LIN28B: variants seen among roughly 807,000 people sequenced by gnomAD.
LIN28B encodes the protein protein lin-28 homolog B.
LIN28B carries 5 observed loss-of-function variants against 21.9 expected under a neutral mutation model. The observed-to-expected ratio is 0.23, with a 90% CI of 0.12 to 0.48. LIN28B has a LOEUF of 0.48. LIN28B is among the 20% of genes least tolerant of loss of function. The probability of loss-of-function intolerance (pLI) is 0.98; values close to 1 mark genes in which losing one functional copy is unlikely to be tolerated. For synonymous variants in LIN28B, 109 were observed against 111.3 expected (o/e 0.98, Z 0.13); for missense variants, 245 against 310.5 (o/e 0.79, Z 1.58).
intron 2 of LIN28B, among the ~76,000 whole-genome samples, chr6:104,981,801 T>C (rs1651402848): frequency 6.6e-6 from 1 of 152,214 alleles, no homozygotes; most frequent in Non-Finnish European, 1.5e-5. Flanking sequence ...TATAGGTACA[T>C]TTCTTTAAAT....
At chr6:104,997,552 C>G (rs1012781014) in intron 2 of LIN28B, among the ~76,000 whole-genome samples, 4 of 151,676 alleles carry the variant, frequency 2.6e-5, no homozygotes, top group East Asian at 3.9e-4. Flanking sequence ...CGCCCCCCCC[C>G]GCCACACACA....
At chr6:104,962,769 T>G (rs566351141) in intron 2 of LIN28B, among the ~76,000 whole-genome samples, 1 of 152,300 alleles carries the variant, frequency 6.6e-6, no homozygotes, top group East Asian at 1.9e-4. Flanking sequence ...TTTGTTATAG[T>G]TAAGCATAAA....
At chr6:104,997,402 G>A (rs957400876) in intron 2 of LIN28B, among the ~76,000 whole-genome samples, 9 of 151,134 alleles carry the variant, frequency 6.0e-5, no homozygotes, top group South Asian at 2.1e-4. Context: ...ATAGTATTTC[G>A]TATATATAGA....
At chr6:105,037,827 A>C (rs1771556318) in intron 3 of LIN28B, among the ~76,000 whole-genome samples, 1 of 152,008 alleles carries the variant, frequency 6.6e-6, no homozygotes, top group South Asian at 2.1e-4. Flanking sequence ...TACAACTTGA[A>C]CTGTTCTCAT....
intron 2 of LIN28B, among the ~76,000 whole-genome samples, chr6:104,938,797 C>T (rs949358545): frequency 2.0e-5 from 3 of 152,050 alleles, no homozygotes; most frequent in Non-Finnish European, 2.9e-5. Flanking sequence ...CTTTCGGGTA[C>T]CTTATATGAA....
intron 2 of LIN28B, among the ~76,000 whole-genome samples, chr6:105,001,039 A>G (rs1424862373): frequency 2.6e-5 from 4 of 152,228 alleles, no homozygotes; most frequent in African/African-American, 9.6e-5. Context: ...TCAGTTTTTT[A>G]AAATCATCTT....
intron 2 of LIN28B, among the ~76,000 whole-genome samples, chr6:104,981,860 G>A (rs1409928618): frequency 6.6e-6 from 1 of 152,134 alleles, no homozygotes; most frequent in African/African-American, 2.4e-5. Flanking sequence ...TAGTCATTAG[G>A]TCATGAACAA....
intron 2 of LIN28B, among the ~76,000 whole-genome samples, chr6:104,975,346 T>G (rs966909295): frequency 6.6e-6 from 1 of 152,184 alleles, no homozygotes; most frequent in Non-Finnish European, 1.5e-5. Flanking sequence ...CAGATTAACA[T>G]TTGTAGTTAT....
chr6:104,944,023 A>G (rs1161956191), intron 2 of LIN28B, among the ~76,000 whole-genome samples: 1 of 152,174 alleles, frequency 6.6e-6, no homozygotes, highest in Non-Finnish European at 1.5e-5. Context: ...AGACAGCCAT[A>G]TTGGTCCCTG....
Position 104,982,422 on chromosome 6 carries a change from G to A in LIN28B, c.198+24136G>A, listed in dbSNP as rs575899873. Among the ~76,000 whole-genome samples, 3 of 152,208 alleles carry A rather than the reference G, an allele frequency of 2.0e-5. No homozygotes were observed. In the South Asian group the frequency reaches 6.2e-4, roughly 32 times the overall value. ...AAGCATGTTTTACAAATAAATAGTT[G>A]TGTGGTACATTAGTTATTGTAAATT... On this transcript the variant is annotated intron_variant, in intron 2 of 3. Transcript: ENST00000345080.
chr6:104,982,979 T>G (rs1410740854), intron 2 of LIN28B, among the ~76,000 whole-genome samples: 1 of 149,212 alleles, frequency 6.7e-6, no homozygotes, highest in African/African-American at 2.4e-5. Flanking sequence ...TTTTCTTTTA[T>G]TTTTTTTTGG....
chr6:105,081,855 T>A lies in LIN28B; in HGVS notation c.*3072T>A, dbSNP rs1772547966. 6.6e-6 allele frequency: 1 copy of A among 152,650 alleles called. No homozygotes were observed. The highest frequency in any genetic ancestry group is 1.5e-5 in the Non-Finnish European group (1 of 68,050). 9.5% of individuals were successfully genotyped at this position (152,650 alleles called of 1,614,324 possible). A position where few individuals can be genotyped will look rare whatever the true frequency, so the allele number is the denominator to read the frequency against. ...CCCTGAAGCCAAGCGTATTGCAGCA[T>A]TATAGCCCCAGGCACATAACTAACT... is the stretch of plus-strand genomic sequence containing the variant. On this transcript the variant is annotated 3_prime_UTR_variant, in exon 4 of 4. Coordinates refer to ENST00000345080, the MANE Select transcript of LIN28B (RefSeq NM_001004317.4).
intron 2 of LIN28B, chr6:104,937,138 A>ATT (rs1224446564): frequency 6.6e-6 from 1 of 151,070 alleles, no homozygotes; most frequent in Admixed American, 6.6e-5. Flanking sequence ...TCTAAACTCT[A>ATT]TTTTTCTTTC....
At chr6:105,060,344 G>T (rs576257435) in intron 3 of LIN28B, among the ~76,000 whole-genome samples, 1 of 152,208 alleles carries the variant, frequency 6.6e-6, no homozygotes, top group South Asian at 2.1e-4. Flanking sequence ...GCTCACTGCA[G>T]CCTCAACCTA....
intron 2 of LIN28B, among the ~76,000 whole-genome samples, chr6:104,945,353 A>G (rs1249837441): frequency 6.6e-6 from 1 of 152,098 alleles, no homozygotes; most frequent in Non-Finnish European, 1.5e-5. Flanking sequence ...TATTTAGAAT[A>G]CACAAAGTTC....
chr6:105,012,052 G>GGAGGCT (rs1770934128), intron 2 of LIN28B, among the ~76,000 whole-genome samples: 1 of 152,080 alleles, frequency 6.6e-6, no homozygotes, highest in South Asian at 2.1e-4. Flanking sequence ...CAGCTACTCG[G>GGAGGCT]GAGGCTGAGG....
chr6:104,967,576 C>CAAAA (rs71003462), intron 2 of LIN28B, among the ~76,000 whole-genome samples: 229 of 60,618 alleles, frequency 3.8e-3, no homozygotes, highest in Non-Finnish European at 5.0e-3. Flanking sequence ...AACTCCCTCT[C>CAAAA]AAAAAAAAAA....
At chr6:105,056,567 G>GTATC (rs1427875513) in intron 3 of LIN28B, among the ~76,000 whole-genome samples, 1 of 152,112 alleles carries the variant, frequency 6.6e-6, no homozygotes, top group African/African-American at 2.4e-5. Context: ...CAGAACTCCA[G>GTATC]TATCTCCCAG....
chr6:105,082,011 T>A lies in LIN28B; in HGVS notation c.*3228T>A, dbSNP rs1392792130. The A allele has an allele frequency of 6.6e-6, 1 of 152,596 alleles. No homozygotes were observed. Among genetic ancestry groups the A allele is most frequent in the African/African-American group, 2.4e-5 (1 of 41,460 alleles). 9.5% of individuals were successfully genotyped at this position (152,596 alleles called of 1,614,324 possible). A position where few individuals can be genotyped will look rare whatever the true frequency, so the allele number is the denominator to read the frequency against. On this transcript the variant is annotated 3_prime_UTR_variant, in exon 4 of 4. Transcript: ENST00000345080. ...CAGGTCTGTGAATTAAGTTATCTCT[T>A]GACCTCACCCTCATGTCAACACAAA...
Sources: gnomAD v4.1 joint callset for allele counts (sites outside exome capture counted in the v4.1 genomes callset) on GRCh38, gnomAD v4.1.1 for gene constraint, MANE v1.5 for transcripts, NCBI Gene and HGNC (gene_info 2026-07-23, HGNC 2026-07-21) for gene names.